The following ANXA6 variants were observed in gnomAD, a reference collection of about 807,000 sequenced individuals.
ANXA6 encodes annexin A6.
A neutral mutation model predicts 95.4 loss-of-function variants in ANXA6; 71 were observed. The ratio of observed to expected loss-of-function variants is 0.74; its 90% CI spans 0.61 to 0.91. ANXA6 has a LOEUF of 0.91. Among genes scored for constraint, ANXA6 ranks in the 40% least tolerant of loss-of-function variants. The pLI is 0.00. For missense variants in ANXA6, 830 were observed against 876.4 expected (o/e 0.95, Z 0.67); for synonymous variants, 289 against 315.9 (o/e 0.91, Z 0.90).
intron 4 of ANXA6, chr5:151,139,134 A>G: frequency 1.7e-6 from 1 of 589,402 alleles, no homozygotes; most frequent in East Asian, 2.8e-5. Flanking sequence ...TCACTAGTGC[A>G]GCCCTAACAC....
intron 1 of ANXA6, among the ~76,000 whole-genome samples, chr5:151,152,347 C>A (rs929604421): frequency 2.0e-5 from 3 of 152,158 alleles, no homozygotes; most frequent in Non-Finnish European, 2.9e-5. Flanking sequence ...ACAATGGAGG[C>A]AATGTGGCAT....
In ANXA6 at chr5:151,134,435, C is replaced by T. The variant is rs754668522; in HGVS notation, c.538G>A (p.Asp180Asn). 2.9e-5 allele frequency: 47 copies of T among 1,613,812 alleles called. No homozygotes were observed. In the African/African-American group the frequency reaches 5.1e-4, roughly 17 times the overall value. ...DVVSEDLVQQDVQDLYEAGEL... is the reference protein window; with the variant it reads ...DVVSEDLVQQNVQDLYEAGEL... ...CAGTGGTGCTTGTTTACCTGGACAT[C>T]CTGTTGTACCAGGTCCTCGCTCACT... is the stretch of plus-strand genomic sequence containing the variant. Residue 180 changes from aspartate (D) to asparagine (N), a missense_variant, in exon 8 of 26, where the codon GAT (aspartate) becomes AAT (asparagine). Asp to Asn is a conservative substitution (Grantham distance 23). Coordinates refer to ENST00000354546, the MANE Select transcript of ANXA6 (RefSeq NM_001155.5).
At chr5:151,122,864 A>T in intron 16 of ANXA6, 53 bp downstream of exon 16, 1 of 1,535,712 alleles carries the variant, frequency 6.5e-7, no homozygotes, top group Non-Finnish European at 9.0e-7. Context: ...GGCTGAGCTC[A>T]ATCAGGCAAG....
chr5:151,136,138 A>G, intron 7 of ANXA6, 118 bp downstream of exon 7: 1 of 878,070 alleles, frequency 1.1e-6, no homozygotes, highest in Non-Finnish European at 1.8e-6. Flanking sequence ...AGCCAAATAC[A>G]CCTGCCTGTG....
chr5:151,108,674 T>C (rs766900484), intron 22 of ANXA6, 124 bp from the exon 23 acceptor site: 52 of 793,132 alleles, frequency 6.6e-5, no homozygotes, highest in African/African-American at 1.0e-4. Flanking sequence ...GCAGCAAATA[T>C]GGCCACAGCC....
In ANXA6 at chr5:151,124,553, GAGAGAGAGAA is replaced by G. The variant is rs774982457; in HGVS notation, c.1057-196_1057-187del. Among the ~76,000 whole-genome samples, 991 of 114,582 alleles carry G rather than the reference GAGAGAGAGAA, an allele frequency of 8.6e-3. 1 individual carries two copies. The highest frequency in any genetic ancestry group is 0.011 in the Non-Finnish European group (618 of 56,358). 75.2% of individuals were successfully genotyped at this position (114,582 alleles called of 152,430 possible). On this transcript the variant is annotated intron_variant, in intron 14 of 25. Transcript: ENST00000354546. ...ACGAGAGCTGAGAGAGAGAGAGAGAGAGAGAGAGAAAGAGACAGAAAGATATAGAGAGAGG... is the reference window on the plus strand; with the variant it reads ...ACGAGAGCTGAGAGAGAGAGAGAGAGAGAGACAGAAAGATATAGAGAGAGG...
rs2113885338 is a variant in ANXA6, at chr5:151,101,511, GC to G, written c.1963-5del. 6.4e-7 allele frequency: 1 copy of G among 1,558,116 alleles called. No homozygotes were observed. The highest frequency in any genetic ancestry group is 1.4e-5 in the African/African-American group (1 of 73,350). On this transcript the variant is annotated splice_polypyrimidine_tract_variant and splice_region_variant and intron_variant, in intron 25 of 25. Coordinates refer to ENST00000354546, the MANE Select transcript of ANXA6 (RefSeq NM_001155.5). ...GGAAGTCTCCGGAGGTGTCACCCTGGCAGAGGCAGAGAGCAGAGTGAGTGAA... is the reference window on the plus strand; with the variant it reads ...GGAAGTCTCCGGAGGTGTCACCCTGGAGAGGCAGAGAGCAGAGTGAGTGAA...
intron 1 of ANXA6, among the ~76,000 whole-genome samples, chr5:151,148,770 G>A (rs956892090): frequency 1.3e-5 from 2 of 152,132 alleles, no homozygotes; most frequent in Admixed American, 6.5e-5. Context: ...GGCACACCGC[G>A]GGGTGGTGCA....
At chr5:151,111,630 C>T in intron 20 of ANXA6, among the ~76,000 whole-genome samples, 1 of 152,212 alleles carries the variant, frequency 6.6e-6, no homozygotes, top group Non-Finnish European at 1.5e-5. Context: ...GCTCTGTTGC[C>T]CAGGCTGGAG....
At chr5:151,119,216 C>T in intron 18 of ANXA6, 84 bp downstream of exon 18, 2 of 1,159,474 alleles carry the variant, frequency 1.7e-6, no homozygotes, top group South Asian at 1.2e-5. Context: ...AGGCCAGAGT[C>T]CTGGGCAGAG....
At chr5:151,143,273 C>G (rs568431895) in intron 2 of ANXA6, among the ~76,000 whole-genome samples, 2 of 152,282 alleles carry the variant, frequency 1.3e-5, no homozygotes, top group Admixed American at 6.5e-5. Flanking sequence ...GGGACAACCA[C>G]CACATAGCCC....
chr5:151,149,503 T>C (rs1486584147), intron 1 of ANXA6, among the ~76,000 whole-genome samples: 2 of 152,124 alleles, frequency 1.3e-5, no homozygotes, highest in South Asian at 2.1e-4. Flanking sequence ...TCTCTTTTTT[T>C]TGAGATGGAG....
intron 20 of ANXA6, among the ~76,000 whole-genome samples, chr5:151,113,706 C>G (rs1241440525): frequency 6.6e-6 from 1 of 152,186 alleles, no homozygotes; most frequent in Non-Finnish European, 1.5e-5. Context: ...ATTAGCCTAG[C>G]TACTTCATGC....
chr5:151,110,541 A>ACTG, intron 21 of ANXA6, 86 bp downstream of exon 21: 1 of 1,458,318 alleles, frequency 6.9e-7, no homozygotes, highest in Non-Finnish European at 9.5e-7. Flanking sequence ...CTCCCAAATC[A>ACTG]CTGCTCGATA....
chr5:151,105,060 G>A (rs550827761), intron 24 of ANXA6, among the ~76,000 whole-genome samples, 185 bp downstream of exon 24: 106 of 152,302 alleles, frequency 7.0e-4, no homozygotes, highest in Non-Finnish European at 1.4e-3. Flanking sequence ...GGGGGAAGGC[G>A]GGGGAAATCA....
intron 20 of ANXA6, among the ~76,000 whole-genome samples, chr5:151,115,224 T>C (rs1348750861): frequency 2.0e-5 from 3 of 152,350 alleles, no homozygotes; most frequent in Middle Eastern, 3.4e-3. Flanking sequence ...GAGAAGCAAC[T>C]AGAATAATGT....
rs1561571306 is a variant in ANXA6, at chr5:151,119,292, A to T, written c.1438+8T>A. 1 of 1,612,172 alleles carries T rather than the reference A, an allele frequency of 6.2e-7. No individual in the cohort carries two copies. The highest frequency in any genetic ancestry group is 1.3e-5 in the African/African-American group (1 of 74,894). The stretch of plus-strand genomic sequence containing the variant: ...CCCAGCATCTGGGCCCAGGCCTCCC[A>T]AACTCACCCTCCTTATAGGCCTCAT... On this transcript the variant is annotated splice_region_variant and intron_variant, in intron 18 of 25. Coordinates refer to ENST00000354546, the MANE Select transcript of ANXA6 (RefSeq NM_001155.5).
At chr5:151,114,739 C>G (rs1017658313) in intron 20 of ANXA6, among the ~76,000 whole-genome samples, 1 of 147,206 alleles carries the variant, frequency 6.8e-6, no homozygotes, top group Non-Finnish European at 1.5e-5. Flanking sequence ...AATTGGACAA[C>G]AGAGTGAAAG....
At chr5:151,142,298 T>C (rs537607238) in intron 2 of ANXA6, among the ~76,000 whole-genome samples, 2 of 152,282 alleles carry the variant, frequency 1.3e-5, no homozygotes, top group South Asian at 2.1e-4. Flanking sequence ...GCCAATGTAA[T>C]GAAACCCTGT....
Sources: gnomAD v4.1 joint callset for allele counts (sites outside exome capture counted in the v4.1 genomes callset) on GRCh38, gnomAD v4.1.1 for gene constraint, MANE v1.5 for transcripts, NCBI Gene and HGNC (gene_info 2026-07-23, HGNC 2026-07-21) for gene names.